The following CHCHD6 variants were observed in gnomAD, a reference collection of about 807,000 sequenced individuals.
The protein encoded by CHCHD6 is coiled-coil-helix-coiled-coil-helix domain containing 6, also known as MICOS complex subunit MIC25.
CHCHD6 carries 28 observed loss-of-function variants against 32.3 expected under a neutral mutation model. The ratio of observed to expected loss-of-function variants is 0.87; its 90% CI spans 0.64 to 1.19. The LOEUF is 1.19. Ranked by LOEUF, CHCHD6 falls within the 50% of genes most tolerant of loss-of-function variation. The pLI is 0.00. For missense variants in CHCHD6, 333 were observed against 307.0 expected (o/e 1.08, Z -0.63); for synonymous variants, 122 against 117.5 (o/e 1.04, Z -0.25).
intron 1 of CHCHD6, among the ~76,000 whole-genome samples, chr3:126,717,194 T>C (rs1483800199): frequency 2.6e-5 from 4 of 152,060 alleles, no homozygotes; most frequent in Admixed American, 6.6e-5. Context: ...GGGTGTGGCA[T>C]TGTGAGGATT....
At chr3:126,801,845 G>A (rs771310519) in intron 4 of CHCHD6, among the ~76,000 whole-genome samples, 4 of 152,108 alleles carry the variant, frequency 2.6e-5, no homozygotes, top group East Asian at 1.9e-4. Context: ...TCACACAGCC[G>A]GGTACTCCTC....
At chr3:126,917,550 A>G (rs1228394322) in intron 6 of CHCHD6, among the ~76,000 whole-genome samples, 1 of 152,192 alleles carries the variant, frequency 6.6e-6, no homozygotes, top group East Asian at 1.9e-4. Context: ...CACACTCTTT[A>G]ATCTTTAAGT....
chr3:126,862,632 C>T (rs1447299687), intron 5 of CHCHD6, among the ~76,000 whole-genome samples: 2 of 131,264 alleles, frequency 1.5e-5, no homozygotes, highest in African/African-American at 2.9e-5. Flanking sequence ...CCACCATCAC[C>T]ACCTCACCCT....
At position 126,841,529 on chromosome 3, in the gene CHCHD6, T is replaced by C. The variant is rs115751015; in HGVS notation, c.412-11118T>C. ...TGAGGAACATAATTTAGACCCATCA[T>C]GGATCTTGCAGAGTTTTGACGATCT... On this transcript the variant is annotated intron_variant, in intron 4 of 7. Coordinates refer to ENST00000290913, the MANE Select transcript of CHCHD6 (RefSeq NM_032343.3). Among the ~76,000 whole-genome samples, 535 of 152,314 alleles carry C rather than the reference T, an allele frequency of 3.5e-3. 11 individuals carry two copies. The highest frequency in any genetic ancestry group is 0.012 in the African/African-American group (519 of 41,558).
chr3:126,881,666 T>C (rs1327843902), intron 5 of CHCHD6, among the ~76,000 whole-genome samples: 13 of 152,164 alleles, frequency 8.5e-5, no homozygotes. Flanking sequence ...GAAAGGAGCT[T>C]CTCGAAGGAG....
intron 4 of CHCHD6, among the ~76,000 whole-genome samples, chr3:126,778,774 C>T (rs1937776512): frequency 6.6e-6 from 1 of 152,094 alleles, no homozygotes; most frequent in Non-Finnish European, 1.5e-5. Context: ...TTTTTGAAGA[C>T]AGGGTCTTGC....
chr3:126,953,562 T>C (rs1247138467), intron 6 of CHCHD6, among the ~76,000 whole-genome samples: 2 of 152,218 alleles, frequency 1.3e-5, no homozygotes, highest in African/African-American at 4.8e-5. Context: ...TAGGTTGCTA[T>C]GAGAGCTGCA....
At chr3:126,956,600 CGA>C (rs58750065) in intron 6 of CHCHD6, among the ~76,000 whole-genome samples, 1,873 of 149,678 alleles carry the variant, frequency 0.013, 17 homozygotes, top group Middle Eastern at 0.049. Context: ...AGTGTGCGCA[CGA>C]GAGAGAGAGA....
At chr3:126,784,596 C>T (rs1002106489) in intron 4 of CHCHD6, among the ~76,000 whole-genome samples, 1 of 152,156 alleles carries the variant, frequency 6.6e-6, no homozygotes, top group South Asian at 2.1e-4. Context: ...GCAACAGCAC[C>T]GTCCCACCCT....
intron 4 of CHCHD6, among the ~76,000 whole-genome samples, chr3:126,752,739 C>A (rs144270799): frequency 6.6e-6 from 1 of 152,184 alleles, no homozygotes; most frequent in African/African-American, 2.4e-5. Context: ...CCCTTTAGCG[C>A]GGCTTGCTGA....
chr3:126,786,962 A>C (rs985488445), intron 4 of CHCHD6, among the ~76,000 whole-genome samples: 3 of 152,090 alleles, frequency 2.0e-5, no homozygotes, highest in African/African-American at 7.2e-5. Context: ...TTTTAGGTCT[A>C]ACATTTAAGT....
At chr3:126,818,255 G>A (rs1014554890) in intron 4 of CHCHD6, among the ~76,000 whole-genome samples, 1 of 152,110 alleles carries the variant, frequency 6.6e-6, no homozygotes, top group African/African-American at 2.4e-5. Flanking sequence ...TTGCAGATGA[G>A]CTTCTCTTCT....
intron 5 of CHCHD6, among the ~76,000 whole-genome samples, chr3:126,874,068 G>A (rs572179691): frequency 1.3e-5 from 2 of 152,256 alleles, no homozygotes; most frequent in South Asian, 2.1e-4. Flanking sequence ...TCTGGATCCC[G>A]GGCCATGTCG....
At chr3:126,848,212 G>A (rs541609330) in intron 4 of CHCHD6, among the ~76,000 whole-genome samples, 4 of 152,312 alleles carry the variant, frequency 2.6e-5, no homozygotes, top group African/African-American at 9.6e-5. Flanking sequence ...CTGGACTCAA[G>A]CAATCCTCCC....
At chr3:126,752,353 G>GC (rs1165499141) in intron 4 of CHCHD6, among the ~76,000 whole-genome samples, 1 of 152,196 alleles carries the variant, frequency 6.6e-6, no homozygotes, top group Non-Finnish European at 1.5e-5. Context: ...GGTCACAGCA[G>GC]CCCCTCTTCT....
At chr3:126,940,653 T>A (rs1317813551) in intron 6 of CHCHD6, among the ~76,000 whole-genome samples, 1 of 152,218 alleles carries the variant, frequency 6.6e-6, no homozygotes, top group Non-Finnish European at 1.5e-5. Context: ...AAGAAAAATG[T>A]ACCAATTTTC....
intron 6 of CHCHD6, among the ~76,000 whole-genome samples, chr3:126,929,521 A>T (rs1252321959): frequency 6.6e-6 from 1 of 151,924 alleles, no homozygotes; most frequent in Non-Finnish European, 1.5e-5. Flanking sequence ...TTCAGCCCAT[A>T]GAACGATTAT....
At chr3:126,896,922 C>G (rs2077848976) in intron 5 of CHCHD6, among the ~76,000 whole-genome samples, 1 of 152,190 alleles carries the variant, frequency 6.6e-6, no homozygotes, top group African/African-American at 2.4e-5. Context: ...TGCTTTCCTG[C>G]ATTTTCCCTG....
chr3:126,769,567 G>A (rs1205325545), intron 4 of CHCHD6, among the ~76,000 whole-genome samples: 2 of 152,044 alleles, frequency 1.3e-5, no homozygotes, highest in African/African-American at 2.4e-5. Flanking sequence ...GCAGTGTTGC[G>A]ATCTTGGCTC....
Sources: gnomAD v4.1 joint callset for allele counts (sites outside exome capture counted in the v4.1 genomes callset) on GRCh38, gnomAD v4.1.1 for gene constraint, MANE v1.5 for transcripts, NCBI Gene and HGNC (gene_info 2026-07-23, HGNC 2026-07-21) for gene names.